BANP: variants seen among roughly 807,000 people sequenced by gnomAD.
The protein encoded by BANP is protein BANP.
In BANP, 11 loss-of-function variants were observed where a neutral mutation model predicts 68.1. That is an observed-to-expected ratio of 0.16 (90% CI 0.10 to 0.27). The LOEUF (loss-of-function observed/expected upper bound fraction) is 0.27, where lower values mean the gene tolerates loss of function less well. Among genes scored for constraint, BANP ranks in the 10% least tolerant of loss-of-function variants. BANP has a pLI of 1.00. For missense variants in BANP, 504 were observed against 722.7 expected (o/e 0.70, Z 3.47); for synonymous variants, 329 against 303.2 (o/e 1.09, Z -0.88).
intron 10 of BANP, 94 bp downstream of exon 10, chr16:88,035,488 G>C (rs1598701319): frequency 5.6e-6 from 7 of 1,249,760 alleles, no homozygotes; most frequent in African/African-American, 3.0e-5. Context: ...GCAGCAGGGA[G>C]CCCCCAGGAC....
intron 1 of BANP, among the ~76,000 whole-genome samples, chr16:87,958,302 A>G (rs2058490666): frequency 6.6e-6 from 1 of 152,212 alleles, no homozygotes; most frequent in Non-Finnish European, 1.5e-5. Context: ...GCCAGTGTTA[A>G]GAATACTGGA....
At chr16:87,958,515 T>C (rs1212610048) in intron 1 of BANP, among the ~76,000 whole-genome samples, 1 of 152,152 alleles carries the variant, frequency 6.6e-6, no homozygotes, top group Non-Finnish European at 1.5e-5. Context: ...TAACTCTGGA[T>C]GTAGTGTATA....
upstream of BANP, chr16:87,949,355 T>C (rs918150279): frequency 5.3e-5 from 8 of 152,226 alleles, no homozygotes; most frequent in Non-Finnish European, 8.8e-5. Flanking sequence ...AGTATTAATA[T>C]TTGAATGCAG....
intron 1 of BANP, among the ~76,000 whole-genome samples, chr16:87,964,489 G>A (rs1324199269): frequency 6.6e-6 from 1 of 152,168 alleles, no homozygotes. Context: ...GTAGGACCCT[G>A]AGCTGAGTGT....
At chr16:88,016,742 G>A (rs1487016419) in intron 6 of BANP, among the ~76,000 whole-genome samples, 1 of 152,190 alleles carries the variant, frequency 6.6e-6, no homozygotes, top group Non-Finnish European at 1.5e-5. Flanking sequence ...TCATATACAG[G>A]TGGAATGTAA....
Position 88,071,971 on chromosome 16 carries a change from AC to A in BANP, c.1378-97del. 6.8e-7 allele frequency: 1 copy of A among 1,476,792 alleles called. No homozygotes were observed. The highest frequency in any genetic ancestry group is 9.1e-7 in the Non-Finnish European group (1 of 1,095,124). 91.5% of individuals were successfully genotyped at this position (1,476,792 alleles called of 1,614,324 possible). On this transcript the variant is annotated intron_variant, in intron 12 of 13. Transcript: ENST00000682872. This position sits in a 1 kb window ranked among gnomAD's most constrained non-coding sequence, Gnocchi z 6.5. ...GTGTCCCTGCCGCTCAGGGGACAGC[AC>A]GTGTGGGCTGGGGTCTGCGGTCTGT...
At chr16:87,949,933 A>C (rs1344292930), upstream of BANP, among the ~76,000 whole-genome samples, 2 of 144,322 alleles carry the variant, frequency 1.4e-5, no homozygotes, top group African/African-American at 5.2e-5. Flanking sequence ...GCTGGAGTCC[A>C]GTGGCGCCAT....
chr16:87,987,142 G>A (rs1038368681), intron 4 of BANP, among the ~76,000 whole-genome samples: 4 of 152,012 alleles, frequency 2.6e-5, no homozygotes, highest in Non-Finnish European at 4.4e-5. Context: ...GCAGTGGCGC[G>A]ATCTTGGCTC....
intron 11 of BANP, among the ~76,000 whole-genome samples, chr16:88,052,252 GAAAGCTGAAATACACCTTCT>G (rs1336964290): frequency 2.0e-5 from 3 of 152,170 alleles, no homozygotes; most frequent in African/African-American, 7.2e-5. Flanking sequence ...GTCATCCTTA[GAAAGCTGAAATACACCTTCT>G]AAAGCATTGT....
At position 88,004,154 on chromosome 16, in the gene BANP, G is replaced by C. The variant is rs900553664; in HGVS notation, c.363-141G>C. The C allele has an allele frequency of 2.2e-5, 15 of 668,732 alleles. No individual in the cohort carries two copies. In the Admixed American group the frequency reaches 3.0e-4, roughly 13 times the overall value. The allele number at this position is 668,732 out of a possible 1,614,324, so 41.4% of individuals were successfully genotyped here. A position where few individuals can be genotyped will look rare whatever the true frequency, so the allele number is the denominator to read the frequency against. ...CCCTCAGGACGGGTCCCTGGGAGTG[G>C]ACTATGTTGAATGACTCTTAGGCCT... is the stretch of plus-strand genomic sequence containing the variant. On this transcript the variant is annotated intron_variant, in intron 4 of 13. Coordinates refer to ENST00000682872, the MANE Select transcript of BANP (RefSeq NM_001386991.1). The surrounding 1 kb of genome is among the most constrained non-coding windows in gnomAD (Gnocchi z 7.0).
chr16:87,958,261 G>A (rs867467294), intron 1 of BANP, among the ~76,000 whole-genome samples: 1 of 152,124 alleles, frequency 6.6e-6, no homozygotes, highest in African/African-American at 2.4e-5. Context: ...CAAACTTTGG[G>A]TCTGAACCCA....
At chr16:88,060,207 A>G (rs1202436503) in intron 11 of BANP, among the ~76,000 whole-genome samples, 2 of 152,264 alleles carry the variant, frequency 1.3e-5, no homozygotes, top group African/African-American at 4.8e-5. Flanking sequence ...GTTTCTAAGC[A>G]TAACGTAGTT....
chr16:88,028,827 G>A (rs1313207166), intron 8 of BANP, among the ~76,000 whole-genome samples: 1 of 152,208 alleles, frequency 6.6e-6, no homozygotes, highest in Non-Finnish European at 1.5e-5. Context: ...CTTATGGCAT[G>A]ATACCATTTT....
intron 5 of BANP, among the ~76,000 whole-genome samples, chr16:88,005,646 C>T (rs1279881332): frequency 1.3e-5 from 2 of 152,202 alleles, no homozygotes; most frequent in African/African-American, 4.8e-5. Flanking sequence ...CGTGGGAGTG[C>T]TGCTCGCATT....
chr16:88,012,156 T>C (rs2073322115), intron 6 of BANP, among the ~76,000 whole-genome samples: 1 of 152,254 alleles, frequency 6.6e-6, no homozygotes, highest in South Asian at 2.1e-4. Context: ...TTGACAGTTA[T>C]GGTTCATCAC....
At chr16:88,008,609 A>G (rs989182947) in intron 6 of BANP, among the ~76,000 whole-genome samples, 1 of 152,206 alleles carries the variant, frequency 6.6e-6, no homozygotes, top group Non-Finnish European at 1.5e-5. Flanking sequence ...GACGATATCA[A>G]ATTTGGAGCT....
intron 8 of BANP, among the ~76,000 whole-genome samples, chr16:88,031,171 T>G (rs1271131260): frequency 2.6e-5 from 4 of 152,204 alleles, no homozygotes; most frequent in Non-Finnish European, 5.9e-5. Context: ...CTGGCGGTGG[T>G]TGCTTTGGGA....
intron 4 of BANP, among the ~76,000 whole-genome samples, chr16:87,993,605 C>CT (rs1208929935): frequency 9.7e-6 from 1 of 102,740 alleles, no homozygotes; most frequent in Non-Finnish European, 2.1e-5. Flanking sequence ...TTTTTTTTCC[C>CT]TTTTTTTCTT....
intron 11 of BANP, among the ~76,000 whole-genome samples, chr16:88,056,450 G>A (rs1337833045): frequency 1.4e-5 from 2 of 138,196 alleles, no homozygotes; most frequent in African/African-American, 2.6e-5. Context: ...GCTGGGAAGC[G>A]TATTCTCTCT....
Sources: gnomAD v4.1 joint callset for allele counts (sites outside exome capture counted in the v4.1 genomes callset) on GRCh38, gnomAD v4.1.1 for gene constraint, Gnocchi (gnomAD v3.1) non-coding constraint, MANE v1.5 for transcripts, NCBI Gene and HGNC (gene_info 2026-07-23, HGNC 2026-07-21) for gene names.